CCDC33: variants seen among roughly 807,000 people sequenced by gnomAD.
CCDC33 encodes the protein coiled-coil domain containing 33.
Under a neutral mutation model 91.9 loss-of-function variants are expected in CCDC33, and 94 were observed. The observed-to-expected ratio is 1.02, with a 90% CI of 0.87 to 1.21. The LOEUF (loss-of-function observed/expected upper bound fraction) is 1.21, where lower values mean the gene tolerates loss of function less well. CCDC33 is among the 50% of genes most tolerant of loss of function. CCDC33 has a pLI of 0.00. For synonymous variants in CCDC33, 396 were observed against 374.5 expected, an observed-to-expected ratio of 1.06 and a Z score of -0.66; for missense variants, 940 against 935.5, an observed-to-expected ratio of 1.00 and a Z score of -0.06.
chr15:74,258,634 A>G (rs1466594609), intron 2 of CCDC33, among the ~76,000 whole-genome samples: 1 of 152,020 alleles, frequency 6.6e-6, no homozygotes, highest in Non-Finnish European at 1.5e-5. Context: ...GTGTGTGTGC[A>G]TGCATTTGTG....
intron 10 of CCDC33, among the ~76,000 whole-genome samples, chr15:74,283,550 G>A (rs770262347): frequency 6.6e-5 from 10 of 152,108 alleles, no homozygotes; most frequent in Non-Finnish European, 1.3e-4. Context: ...TCCAGCTGGC[G>A]GCCTCACTAA....
chr15:74,292,757 G>C (rs989898942), intron 10 of CCDC33, among the ~76,000 whole-genome samples: 3 of 152,160 alleles, frequency 2.0e-5, no homozygotes, highest in Non-Finnish European at 2.9e-5. Context: ...GGTAGGGCAG[G>C]ACAGAATCAT....
At chr15:74,215,237 A>G (rs900806866), upstream of CCDC33, among the ~76,000 whole-genome samples, 1 of 152,202 alleles carries the variant, frequency 6.6e-6, no homozygotes, top group African/African-American at 2.4e-5. Context: ...AGCAAAAGGG[A>G]ACCTTCCCCA....
chr15:74,335,492 C>T, intron 18 of CCDC33: 1 of 426,990 alleles, frequency 2.3e-6, no homozygotes, highest in Non-Finnish European at 4.2e-6. Flanking sequence ...GCACACCCTT[C>T]TCAGATGGCC....
intron 11 of CCDC33, among the ~76,000 whole-genome samples, chr15:74,313,519 A>G (rs987294040): frequency 6.8e-6 from 1 of 147,460 alleles, no homozygotes; most frequent in Admixed American, 7.0e-5. Context: ...CCCCGGGTTC[A>G]AGCGATTCTC....
chr15:74,248,439 ATCT>A (rs2075604618), intron 2 of CCDC33, among the ~76,000 whole-genome samples: 1 of 151,648 alleles, frequency 6.6e-6, no homozygotes, highest in Non-Finnish European at 1.5e-5. Flanking sequence ...CTGCCATCCC[ATCT>A]TCTCTCACCT....
intron 10 of CCDC33, among the ~76,000 whole-genome samples, chr15:74,286,767 G>T (rs925823352): frequency 6.6e-6 from 1 of 152,188 alleles, no homozygotes; most frequent in East Asian, 1.9e-4. Flanking sequence ...ACAGCCCACA[G>T]ACATGCTGGG....
chr15:74,235,395 C>T (rs757145198), upstream of CCDC33, among the ~76,000 whole-genome samples: 36 of 152,220 alleles, frequency 2.4e-4, no homozygotes, highest in Non-Finnish European at 5.1e-4. Context: ...AGTCTCCTGC[C>T]TCCTGGCTGC....
At chr15:74,297,270 T>C (rs1171124038) in intron 11 of CCDC33, among the ~76,000 whole-genome samples, 2 of 152,188 alleles carry the variant, frequency 1.3e-5, no homozygotes, top group Admixed American at 1.3e-4. Context: ...AGCTCAGTCA[T>C]AAACTGCATT....
intron 1 of CCDC33, among the ~76,000 whole-genome samples, chr15:74,238,409 CAA>C (rs557444250): frequency 2.3e-4 from 15 of 66,630 alleles, no homozygotes; most frequent in Admixed American, 6.9e-4. Context: ...AACTCCATCT[CAA>C]AAAAAAAAAA....
At chr15:74,242,745 A>G (rs2075387547) in intron 1 of CCDC33, among the ~76,000 whole-genome samples, 1 of 151,960 alleles carries the variant, frequency 6.6e-6, no homozygotes, top group East Asian at 1.9e-4. Flanking sequence ...GAGGACAAGG[A>G]CACCCCTGAG....
rs539445843 is a variant in CCDC33 at position 74,219,762 on chromosome 15, G to A, written c.675+901G>A. Among the ~76,000 whole-genome samples, 33 of 152,246 alleles carry A rather than the reference G, an allele frequency of 2.2e-4. 1 individual carries two copies. Among genetic ancestry groups the A allele is most frequent in the African/African-American group, 7.7e-4 (32 of 41,522 alleles). ...CAGACATTTGTTAAATGCTAACTCCGCCGACTGCCTGCCAAGTGGGTAAGA... is the reference window on the plus strand; with the variant it reads ...CAGACATTTGTTAAATGCTAACTCCACCGACTGCCTGCCAAGTGGGTAAGA... On this transcript the variant is annotated intron_variant, in intron 2 of 2. Coordinates refer to the CCDC33 transcript ENST00000635913.
chr15:74,246,536 A>G (rs1045666712), intron 2 of CCDC33, among the ~76,000 whole-genome samples: 7 of 152,248 alleles, frequency 4.6e-5, no homozygotes, highest in African/African-American at 1.7e-4. Context: ...TTTTCCAACA[A>G]AGAAATACAA....
chr15:74,300,061 CA>C (rs772157007), intron 11 of CCDC33: 5 of 152,238 alleles, frequency 3.3e-5, no homozygotes, highest in Non-Finnish European at 7.3e-5. Flanking sequence ...CAGTTACAGG[CA>C]GTAGAACGTG....
intron 10 of CCDC33, among the ~76,000 whole-genome samples, chr15:74,288,843 A>G (rs2059529575): frequency 6.6e-6 from 1 of 152,180 alleles, no homozygotes; most frequent in South Asian, 2.1e-4. Flanking sequence ...TTGAATCTGG[A>G]TCTTCCATTT....
chr15:74,269,543 T>TCA (rs1246511967), intron 5 of CCDC33, among the ~76,000 whole-genome samples: 1 of 152,000 alleles, frequency 6.6e-6, no homozygotes, highest in Non-Finnish European at 1.5e-5. Flanking sequence ...AGCCAGCAAT[T>TCA]CACACACACA....
chr15:74,217,570 C>T (rs1013414289), exon 1 of CCDC33: 1 of 1,243,998 alleles, frequency 8.0e-7, no homozygotes, highest in Non-Finnish European at 1.0e-6. Flanking sequence ...TTTATCTTTA[C>T]TTTGCCCAAA....
chr15:74,262,213 G>T (rs1390941004), intron 2 of CCDC33, among the ~76,000 whole-genome samples: 3 of 152,212 alleles, frequency 2.0e-5, no homozygotes, highest in Non-Finnish European at 2.9e-5. Flanking sequence ...TGAGAGGCTT[G>T]TGACTAAGTG....
rs778998312 is a variant in CCDC33 at position 74,335,058 on chromosome 15, C to A, written c.2109C>A (p.His703Gln). ...AGGAGCAAGAAAAAGGTTTCAGGCACCCCTCGAACTCCATCATCATAGAAC... is the reference window on the plus strand; with the variant it reads ...AGGAGCAAGAAAAAGGTTTCAGGCAACCCTCGAACTCCATCATCATAGAAC... ...RLQEQEKGFR[H>Q]PSNSIIIEQP... Residue 703 changes from histidine (H) to glutamine (Q), a missense_variant, in exon 18 of 19, where the codon CAC (histidine) becomes CAA (glutamine). Transcript: ENST00000398814. 4 of 1,613,938 alleles carry A rather than the reference C, an allele frequency of 2.5e-6. No individual in the cohort carries two copies. The Admixed American group carries it at 5.0e-5, about 20-fold the overall frequency.
Sources: gnomAD v4.1 joint callset for allele counts (sites outside exome capture counted in the v4.1 genomes callset) on GRCh38, gnomAD v4.1.1 for gene constraint, MANE v1.5 for transcripts, NCBI Gene and HGNC (gene_info 2026-07-23, HGNC 2026-07-21) for gene names.